Variants in GALNT17 observed in about 807,000 individuals in gnomAD.
GALNT17 encodes polypeptide N-acetylgalactosaminyltransferase 17, also known as UDP-GalNAc:polypeptide N-acetylgalactosaminyltransferase-like 3.
A neutral mutation model predicts 63.7 loss-of-function variants in GALNT17; 29 were observed. The observed-to-expected ratio is 0.46, with a 90% CI of 0.34 to 0.62. GALNT17 has a LOEUF of 0.62. Among genes scored for constraint, GALNT17 ranks in the 20% least tolerant of loss-of-function variants. GALNT17 has a pLI of 0.01. For missense variants in GALNT17, 603 were observed against 799.6 expected (o/e 0.75, Z 2.97); for synonymous variants, 305 against 318.3 (o/e 0.96, Z 0.45).
intron 5 of GALNT17, among the ~76,000 whole-genome samples, chr7:71,534,186 A>G (rs541701160): frequency 2.6e-4 from 39 of 152,312 alleles, no homozygotes; most frequent in African/African-American, 9.1e-4. Flanking sequence ...GCAGTTCAGC[A>G]TGGCTGGGGA....
chr7:71,596,282 C>T (rs923993820), intron 6 of GALNT17, among the ~76,000 whole-genome samples: 7 of 151,492 alleles, frequency 4.6e-5, no homozygotes, highest in Non-Finnish European at 7.4e-5. Flanking sequence ...TCGTGATTCG[C>T]CCACCTTGGC....
intron 5 of GALNT17, among the ~76,000 whole-genome samples, chr7:71,520,124 A>G (rs1788506436): frequency 6.6e-6 from 1 of 152,192 alleles, no homozygotes; most frequent in Admixed American, 6.5e-5. Context: ...ATTGTAACAC[A>G]GTGGGTTAGA....
intron 1 of GALNT17, among the ~76,000 whole-genome samples, chr7:71,294,008 A>C (rs2115835847): frequency 6.6e-6 from 1 of 152,140 alleles, no homozygotes; most frequent in Middle Eastern, 3.4e-3. Context: ...AAATACAAAA[A>C]GAAATTAGCT....
intron 1 of GALNT17, among the ~76,000 whole-genome samples, chr7:71,152,095 AT>A (rs932014603): frequency 2.7e-5 from 4 of 150,750 alleles, no homozygotes; most frequent in South Asian, 2.1e-4. Flanking sequence ...ATCCACTTTA[AT>A]TTTTTTTTTC....
At chr7:71,189,695 C>A (rs1788914676) in intron 1 of GALNT17, among the ~76,000 whole-genome samples, 1 of 152,020 alleles carries the variant, frequency 6.6e-6, no homozygotes. Context: ...GAAGAGTTGG[C>A]CTGGCTACAA....
At chr7:71,294,941 A>G (rs1320659734) in intron 1 of GALNT17, among the ~76,000 whole-genome samples, 1 of 152,170 alleles carries the variant, frequency 6.6e-6, no homozygotes, top group Non-Finnish European at 1.5e-5. Flanking sequence ...GATAGTCTGC[A>G]TTAATGTTGA....
At chr7:71,300,358 CCACCTCTTGGTGT>C (rs1486700700) in intron 1 of GALNT17, 1 of 432,568 alleles carries the variant, frequency 2.3e-6, no homozygotes, top group Non-Finnish European at 4.6e-6. Flanking sequence ...CAAGACGACA[CCACCTCTTGGTGT>C]GCTGGCAGAC....
intron 5 of GALNT17, among the ~76,000 whole-genome samples, chr7:71,472,513 C>G (rs760758576): frequency 3.9e-5 from 6 of 152,066 alleles, no homozygotes; most frequent in Non-Finnish European, 7.4e-5. Flanking sequence ...ATGGTGAAAC[C>G]CCGTGTCTAC....
At chr7:71,589,053 T>C (rs893101757) in intron 6 of GALNT17, among the ~76,000 whole-genome samples, 3 of 151,938 alleles carry the variant, frequency 2.0e-5, no homozygotes, top group African/African-American at 7.3e-5. Context: ...CTGTTATTAG[T>C]GTGTGGAGGT....
chr7:71,535,031 C>A (rs747651321), intron 5 of GALNT17, among the ~76,000 whole-genome samples: 2 of 152,122 alleles, frequency 1.3e-5, no homozygotes, highest in African/African-American at 2.4e-5. Context: ...CAACCCTCGT[C>A]CCCCAAAGTA....
chr7:71,422,867 G>T (rs574858867), intron 5 of GALNT17, among the ~76,000 whole-genome samples: 2 of 152,216 alleles, frequency 1.3e-5, no homozygotes, highest in Non-Finnish European at 2.9e-5. Context: ...TTCCTGAGTG[G>T]TGGAGGTAGC....
chr7:71,503,610 G>A (rs1008021548), intron 5 of GALNT17, among the ~76,000 whole-genome samples: 4 of 152,118 alleles, frequency 2.6e-5, no homozygotes, highest in African/African-American at 4.8e-5. Flanking sequence ...AATGTCAAAG[G>A]TACCTGAAAT....
chr7:71,293,766 T>C (rs1418901737), intron 1 of GALNT17, among the ~76,000 whole-genome samples: 89 of 152,212 alleles, frequency 5.8e-4, no homozygotes, highest in Non-Finnish European at 2.1e-4. Context: ...ATTACTTCAC[T>C]GTCCCCAAGC....
chr7:71,480,434 C>T (rs1023024027), intron 5 of GALNT17, among the ~76,000 whole-genome samples: 54 of 152,106 alleles, frequency 3.6e-4, no homozygotes, highest in African/African-American at 1.3e-3. Context: ...CCATTTTCCT[C>T]TCCTACTCAT....
At chr7:71,349,030 C>T (rs954186472) in intron 2 of GALNT17, among the ~76,000 whole-genome samples, 4 of 152,224 alleles carry the variant, frequency 2.6e-5, no homozygotes, top group Non-Finnish European at 5.9e-5. Flanking sequence ...AAATTATACT[C>T]CGATTCGTTC....
chr7:71,547,102 G>T (rs776041286), intron 5 of GALNT17, among the ~76,000 whole-genome samples: 4 of 148,974 alleles, frequency 2.7e-5, no homozygotes, highest in Non-Finnish European at 3.0e-5. Context: ...AGTGATTCTC[G>T]TGCCTCAGCC....
intron 1 of GALNT17, among the ~76,000 whole-genome samples, chr7:71,235,487 G>A (rs1789871638): frequency 6.6e-6 from 1 of 152,204 alleles, no homozygotes; most frequent in Admixed American, 6.5e-5. Flanking sequence ...TCTTTGTCCA[G>A]TGTTGCAAGG....
intron 5 of GALNT17, among the ~76,000 whole-genome samples, chr7:71,451,761 C>G (rs1299660988): frequency 1.3e-5 from 2 of 152,052 alleles, no homozygotes; most frequent in African/African-American, 4.8e-5. Context: ...TCACTGTTTT[C>G]TAGATAGTGT....
intron 1 of GALNT17, among the ~76,000 whole-genome samples, chr7:71,179,213 C>T (rs1788693174): frequency 6.6e-6 from 1 of 150,788 alleles, no homozygotes; most frequent in South Asian, 2.1e-4. Flanking sequence ...TATCTGATCG[C>T]CTCCTTTGGA....
Sources: allele counts gnomAD v4.1 joint callset (sites outside exome capture counted in the v4.1 genomes callset), GRCh38; gene constraint gnomAD v4.1.1; transcripts MANE v1.5; gene names NCBI Gene and HGNC (gene_info 2026-07-23, HGNC 2026-07-21).